The following ACAD10 variants were observed in gnomAD, a reference collection of about 807,000 sequenced individuals.
ACAD10 encodes the protein ACAD-10.
A neutral mutation model predicts 116.8 loss-of-function variants in ACAD10; 112 were observed. The observed-to-expected ratio is 0.96, with a 90% CI of 0.82 to 1.12. The LOEUF is 1.12. Ranked by LOEUF, ACAD10 falls within the 50% of genes most tolerant of loss-of-function variation. ACAD10 has a pLI of 0.00. For missense variants in ACAD10, 1,259 were observed against 1,350.2 expected (o/e 0.93, Z 1.06); for synonymous variants, 486 against 510.6 (o/e 0.95, Z 0.65).
chr12:111,696,374 C>T (rs1351364465), intron 2 of ACAD10, among the ~76,000 whole-genome samples: 1 of 152,126 alleles, frequency 6.6e-6, no homozygotes, highest in East Asian at 1.9e-4. Flanking sequence ...TTTGTATGGC[C>T]TGTCAGCCAA....
In ACAD10 at chr12:111,727,977, C is replaced by T. The variant is rs1209936947; in HGVS notation, c.1077C>T (p.Pro359=). The change falls in exon 9 of 21, where the codon CCC becomes CCT. Residue 359 remains proline (P), a synonymous_variant. Transcript: ENST00000313698. The part of the protein sequence containing the change: ...LCEDSSVIGT[P]FYVMEYCPGL... Reference sequence around the variant, plus strand: ...TTCCTCCCAGTGTCATTGGCACCCCCTTCTATGTGATGGAGTACTGCCCAG... The same window carrying T: ...TTCCTCCCAGTGTCATTGGCACCCCTTTCTATGTGATGGAGTACTGCCCAG... 2 of 1,610,760 alleles carry T rather than the reference C, an allele frequency of 1.2e-6. No homozygotes were observed. The highest frequency in any genetic ancestry group is 1.7e-6 in the Non-Finnish European group (2 of 1,179,018).
intron 6 of ACAD10, chr12:111,715,607 A>G (rs1873493051): frequency 1.8e-6 from 1 of 548,134 alleles, no homozygotes; most frequent in Admixed American, 3.1e-5. Flanking sequence ...CCTTTGACAA[A>G]CTGTAGTGGC....
intron 1 of ACAD10, among the ~76,000 whole-genome samples, chr12:111,686,806 C>T (rs1030180660): frequency 2.6e-5 from 4 of 152,176 alleles, no homozygotes; most frequent in African/African-American, 9.7e-5. Flanking sequence ...TGTCACTTCA[C>T]AAATGTTTAC....
In ACAD10 at chr12:111,748,354, G is replaced by A; in HGVS notation, c.2523G>A (p.Met841Ile). 6.2e-6 allele frequency: 10 copies of A among 1,614,098 alleles called. No individual in the cohort carries two copies. Among genetic ancestry groups the A allele is most frequent in the Non-Finnish European group, 7.6e-6 (9 of 1,180,032 alleles). Residue 841 changes from methionine (M) to isoleucine (I), a missense_variant, in exon 17 of 21, where the codon ATG becomes ATA. Transcript: ENST00000313698. The stretch of plus-strand genomic sequence containing the variant: ...CTCGTTGCCAACTCTGTGTGTTTAT[G>A]GGAAAAACAGACCCACATGCACCAA... ...LDPRCQLCVF[M>I]GKTDPHAPRH...
intron 19 of ACAD10, 70 bp from the exon 20 acceptor site, chr12:111,755,598 C>A: frequency 8.7e-7 from 1 of 1,154,182 alleles, no homozygotes; most frequent in Non-Finnish European, 1.3e-6. Context: ...AGATGGGGGA[C>A]GGGGGGGCCT....
intron 19 of ACAD10, 63 bp from the exon 20 acceptor site, chr12:111,755,605 G>A (rs1409273410): frequency 1.6e-5 from 20 of 1,240,346 alleles, no homozygotes; most frequent in Non-Finnish European, 1.9e-5. Flanking sequence ...GGACGGGGGG[G>A]CCTCACTCTG....
rs939601534 is a variant in ACAD10 at position 111,698,172 on chromosome 12, G to A, written c.188-3990G>A. Among the ~76,000 whole-genome samples the A allele has an allele frequency of 5.3e-5, 8 of 150,032 alleles. 1 individual carries two copies. The highest frequency in any genetic ancestry group is 5.3e-4 in the Admixed American group (8 of 15,012). On this transcript the variant is annotated intron_variant, in intron 2 of 20. Transcript: ENST00000313698. ...ACCACACCTAGCTAATTTTTTATAT[G>A]TTTTTAGTAGAGATGGGGTTTCACC...
intron 18 of ACAD10, among the ~76,000 whole-genome samples, chr12:111,752,087 T>C (rs1593057560): frequency 6.8e-6 from 1 of 147,732 alleles, no homozygotes; most frequent in Admixed American, 6.7e-5. Context: ...TAGCCAGGTG[T>C]GGTGGCACAC....
chr12:111,747,425 G>A, intron 16 of ACAD10, 40 bp downstream of exon 16: 3 of 1,608,542 alleles, frequency 1.9e-6, no homozygotes, highest in Non-Finnish European at 2.6e-6. Flanking sequence ...GCACATCAGG[G>A]AGTCTGTGCT....
chr12:111,722,359 C>G (rs1161603394), intron 8 of ACAD10, among the ~76,000 whole-genome samples: 1 of 149,148 alleles, frequency 6.7e-6, no homozygotes, highest in Admixed American at 6.6e-5. Flanking sequence ...CCACCGTGCC[C>G]GGCCCTAAAC....
At chr12:111,740,782 CAAAAAAA>C (rs751899672) in intron 12 of ACAD10, among the ~76,000 whole-genome samples, 6 of 51,092 alleles carry the variant, frequency 1.2e-4, no homozygotes, top group African/African-American at 3.1e-4. Flanking sequence ...GACTCCATCT[CAAAAAAA>C]AAAAAAAAAA....
rs781740591 is a variant in ACAD10, at chr12:111,749,306, C to T, written c.2778C>T (p.Ile926=). 4.0e-5 allele frequency: 64 copies of T among 1,613,776 alleles called. No individual in the cohort carries two copies. In the Middle Eastern group the frequency reaches 6.6e-4, roughly 17 times the overall value. ...PGRIHHCMRL[I]GFSERALALM... ...GGATCCATCACTGCATGAGGCTGATCGGGTTCTCAGAGAGGGCCCTGGCAC... is the reference window on the plus strand; with the variant it reads ...GGATCCATCACTGCATGAGGCTGATTGGGTTCTCAGAGAGGGCCCTGGCAC... The change falls in exon 18 of 21, where the codon ATC becomes ATT. Residue 926 remains isoleucine (I), a synonymous_variant. Transcript: ENST00000313698.
chr12:111,743,062 A>G (rs1228711104), intron 12 of ACAD10, among the ~76,000 whole-genome samples: 4 of 152,248 alleles, frequency 2.6e-5, no homozygotes, highest in African/African-American at 9.6e-5. Flanking sequence ...CTATCAATTT[A>G]TCCATTTATT....
In ACAD10 at chr12:111,756,586, C is replaced by A; in HGVS notation, c.*113C>A. ...GTGGCTCCTGCACCCTGCTCAGCAGCTCTGTCCCGGGACAGTCAGGGTGGA... is the reference window on the plus strand; with the variant it reads ...GTGGCTCCTGCACCCTGCTCAGCAGATCTGTCCCGGGACAGTCAGGGTGGA... On this transcript the variant is annotated 3_prime_UTR_variant, in exon 21 of 21. Transcript: ENST00000313698. 6.7e-7 allele frequency: 1 copy of A among 1,492,480 alleles called. No individual in the cohort carries two copies. The highest frequency in any genetic ancestry group is 9.0e-7 in the Non-Finnish European group (1 of 1,105,040). 92.5% of individuals were successfully genotyped at this position (1,492,480 alleles called of 1,614,324 possible). A position where few individuals can be genotyped will look rare whatever the true frequency, so the allele number is the denominator to read the frequency against.
chr12:111,721,491 C>T (rs1416002139), intron 7 of ACAD10, among the ~76,000 whole-genome samples, 180 bp from the exon 8 acceptor site: 6 of 152,184 alleles, frequency 3.9e-5, no homozygotes, highest in African/African-American at 1.4e-4. Context: ...TGGCTTGAAC[C>T]TAGGAAGTAG....
intron 1 of ACAD10, among the ~76,000 whole-genome samples, chr12:111,691,594 AT>A (rs56715476): frequency 0.022 from 2,971 of 132,160 alleles, 100 homozygotes; most frequent in South Asian, 0.18. Context: ...AAGGAATGAG[AT>A]TTTTTTTTTT....
chr12:111,697,734 C>T (rs1746776739), intron 2 of ACAD10, among the ~76,000 whole-genome samples: 1 of 151,706 alleles, frequency 6.6e-6, no homozygotes, highest in African/African-American at 2.4e-5. Context: ...TGCAGGCATC[C>T]ACCACCACGC....
At chr12:111,707,417 G>GT (rs147512473) in intron 4 of ACAD10, among the ~76,000 whole-genome samples, 2,373 of 144,652 alleles carry the variant, frequency 0.016, 71 homozygotes, top group African/African-American at 0.058. Flanking sequence ...CTTTAAAAAT[G>GT]TTTGTTTTTG....
chr12:111,705,524 A>G (rs979515228), intron 3 of ACAD10, among the ~76,000 whole-genome samples: 2 of 152,350 alleles, frequency 1.3e-5, no homozygotes, highest in South Asian at 4.1e-4. Flanking sequence ...TGCCCAGCCT[A>G]TAACTCTAGT....
Sources: gnomAD v4.1 joint callset for allele counts (sites outside exome capture counted in the v4.1 genomes callset) on GRCh38, gnomAD v4.1.1 for gene constraint, MANE v1.5 for transcripts, NCBI Gene and HGNC (gene_info 2026-07-23, HGNC 2026-07-21) for gene names.